The following RBFOX1 variants were observed in gnomAD, a reference collection of about 807,000 sequenced individuals.
RBFOX1 encodes RNA binding fox-1 homolog 1, also known as RNA binding protein fox-1 homolog 1.
In RBFOX1, 8 loss-of-function variants were observed where a neutral mutation model predicts 57.7. The observed-to-expected ratio is 0.14, with a 90% confidence interval of 0.08 to 0.25. The LOEUF (loss-of-function observed/expected upper bound fraction) is 0.25, where lower values mean the gene tolerates loss of function less well. RBFOX1 is among the 10% of genes least tolerant of loss of function. The pLI is 1.00. For synonymous variants in RBFOX1, 326 were observed against 222.4 expected, an observed-to-expected ratio of 1.47 and a Z score of -4.15; for missense variants, 611 against 548.5, an observed-to-expected ratio of 1.11 and a Z score of -1.14.
intron 2 of RBFOX1, among the ~76,000 whole-genome samples, chr16:6,424,195 C>T (rs536093878): frequency 5.9e-5 from 9 of 152,278 alleles, no homozygotes; most frequent in African/African-American, 1.9e-4. Flanking sequence ...GCTAAGATTG[C>T]ACCACTGCAC....
Position 5,913,836 on chromosome 16 carries a change from C to T in RBFOX1, c.351+46501C>T, listed in dbSNP as rs563891727. Among the ~76,000 whole-genome samples the T allele has an allele frequency of 9.8e-5, 15 of 152,334 alleles. No individual in the cohort carries two copies. In the South Asian group the frequency reaches 3.1e-3, roughly 32 times the overall value. ...GATAACAGCTAACATTGTCTTCGTACCTATCATGTACCAGACACCATGCTG... is the reference window on the plus strand; with the variant it reads ...GATAACAGCTAACATTGTCTTCGTATCTATCATGTACCAGACACCATGCTG... On this transcript the variant is annotated intron_variant, in intron 4 of 19. Transcript: ENST00000641259.
At position 6,905,753 on chromosome 16, in the gene RBFOX1, T is replaced by G. The variant is rs184381610; in HGVS notation, c.-15-146304T>G. 5.1e-4 allele frequency among the ~76,000 whole-genome samples: 77 copies of G among 152,276 alleles called. No individual in the cohort carries two copies. The East Asian group carries it at 0.014, about 28-fold the overall frequency. On this transcript the variant is annotated intron_variant, in intron 3 of 15. Transcript: ENST00000550418. ...ATGCCTGAGGCAAGTTTGCATGCCA[T>G]GGATGGAAATGGTATTTTCAAGAGA...
At chr16:6,056,291 C>T (rs1173936846) in intron 1 of RBFOX1, among the ~76,000 whole-genome samples, 4 of 151,924 alleles carry the variant, frequency 2.6e-5, no homozygotes, top group African/African-American at 7.3e-5. Context: ...TAGCTGTCAA[C>T]GATATTGTCT....
chr16:6,654,629 C>A lies in RBFOX1; in HGVS notation c.-37C>A. Reference sequence around the variant, plus strand: ...ATATCAAAGCAGACTGCAATACCTGCGTGGAAATAGAAGACAGAAAGGTGA... The same window carrying A: ...ATATCAAAGCAGACTGCAATACCTGAGTGGAAATAGAAGACAGAAAGGTGA... On this transcript the variant is annotated 5_prime_UTR_variant, in exon 3 of 16. Transcript: ENST00000550418. 6.6e-7 allele frequency: 1 copy of A among 1,508,608 alleles called. No homozygotes were observed. The highest frequency in any genetic ancestry group is 2.5e-5 in the East Asian group (1 of 39,534). The allele number at this position is 1,508,608 out of a possible 1,614,324, so 93.5% of individuals were successfully genotyped here. A position where few individuals can be genotyped will look rare whatever the true frequency, so the allele number is the denominator to read the frequency against.
At chr16:7,236,642 A>T (rs114814239) in intron 4 of RBFOX1, among the ~76,000 whole-genome samples, 2 of 152,154 alleles carry the variant, frequency 1.3e-5, no homozygotes, top group Non-Finnish European at 2.9e-5. Context: ...CATGAAGTCT[A>T]TGTGGCTTTT....
At chr16:6,487,806 G>T (rs1448206478) in intron 2 of RBFOX1, among the ~76,000 whole-genome samples, 2 of 139,666 alleles carry the variant, frequency 1.4e-5, no homozygotes, top group African/African-American at 5.4e-5. Context: ...TATTCCTAAA[G>T]TAATGTCTGG....
intron 1 of RBFOX1, among the ~76,000 whole-genome samples, chr16:6,128,516 G>C (rs1354619379): frequency 2.0e-5 from 3 of 152,186 alleles, no homozygotes; most frequent in Non-Finnish European, 4.4e-5. Context: ...CTGTCCAGGA[G>C]CCCTTTTCTG....
chr16:5,389,937 G>C (rs1273632835), intron 1 of RBFOX1, among the ~76,000 whole-genome samples: 4 of 152,038 alleles, frequency 2.6e-5, no homozygotes, highest in African/African-American at 9.7e-5. Flanking sequence ...ACCTTCAGGT[G>C]ATCCCCCTTC....
intron 1 of RBFOX1, among the ~76,000 whole-genome samples, chr16:6,255,084 C>A (rs1325208624): frequency 6.6e-6 from 1 of 152,064 alleles, no homozygotes; most frequent in Non-Finnish European, 1.5e-5. Flanking sequence ...TGTCCGCGGA[C>A]CTGTTTTTCA....
At chr16:6,294,449 A>G (rs2077840041) in intron 1 of RBFOX1, among the ~76,000 whole-genome samples, 1 of 152,250 alleles carries the variant, frequency 6.6e-6, no homozygotes, top group Non-Finnish European at 1.5e-5. Context: ...TATTTTATAT[A>G]GATGGGCCAC....
chr16:6,280,229 G>T (rs747249077), intron 1 of RBFOX1, among the ~76,000 whole-genome samples: 1 of 152,150 alleles, frequency 6.6e-6, no homozygotes, highest in Non-Finnish European at 1.5e-5. Flanking sequence ...TTGGTCCGTG[G>T]CCTGAGTGGG....
chr16:5,498,410 C>T (rs1406850945), intron 2 of RBFOX1, among the ~76,000 whole-genome samples: 3 of 152,198 alleles, frequency 2.0e-5, no homozygotes, highest in Non-Finnish European at 4.4e-5. Flanking sequence ...TCCCAAAGTG[C>T]TGGGATTACA....
chr16:6,845,590 G>A (rs1285043822), intron 3 of RBFOX1, among the ~76,000 whole-genome samples: 3 of 152,082 alleles, frequency 2.0e-5, no homozygotes, highest in African/African-American at 7.2e-5. Flanking sequence ...TAGCCTTGTA[G>A]GTAATCTTCT....
At chr16:6,400,819 C>G (rs2093039339) in intron 2 of RBFOX1, among the ~76,000 whole-genome samples, 1 of 152,128 alleles carries the variant, frequency 6.6e-6, no homozygotes. Context: ...CACGTGAACC[C>G]AGGAGGCAGA....
chr16:7,241,764 C>G (rs1389743652), intron 4 of RBFOX1, among the ~76,000 whole-genome samples: 1 of 151,730 alleles, frequency 6.6e-6, no homozygotes, highest in Non-Finnish European at 1.5e-5. Context: ...TTTTCTCATC[C>G]CCCCTTCTTT....
rs547277615 is a variant in RBFOX1, at chr16:6,848,087, C to G, written c.-16+193437C>G. ...CCTCAAGTGATCCACCCACCTTGGC[C>G]TCACAAAGTGCTGGGATTTGCAGGT... On this transcript the variant is annotated intron_variant, in intron 3 of 15. Transcript: ENST00000550418. Among the ~76,000 whole-genome samples, 47 of 152,210 alleles carry G rather than the reference C, an allele frequency of 3.1e-4. 1 individual carries two copies. In the South Asian group the frequency reaches 9.5e-3, roughly 31 times the overall value.
intron 4 of RBFOX1, among the ~76,000 whole-genome samples, chr16:7,097,102 C>A (rs1431651964): frequency 1.3e-5 from 2 of 151,956 alleles, no homozygotes; most frequent in African/African-American, 4.8e-5. Context: ...AGGACAAAAA[C>A]AAAAAATGTG....
At chr16:5,692,868 A>G (rs2050732437) in intron 3 of RBFOX1, among the ~76,000 whole-genome samples, 1 of 152,218 alleles carries the variant, frequency 6.6e-6, no homozygotes, top group Admixed American at 6.5e-5. Context: ...GGCAGGTTGA[A>G]CAAAGAGGTA....
intron 2 of RBFOX1, among the ~76,000 whole-genome samples, chr16:5,513,346 CTG>C (rs1275512845): frequency 6.6e-6 from 1 of 152,156 alleles, no homozygotes; most frequent in African/African-American, 2.4e-5. Context: ...GGGAGGAAGA[CTG>C]TGGAGATAAA....
Sources: allele counts gnomAD v4.1 joint callset (sites outside exome capture counted in the v4.1 genomes callset), GRCh38; gene constraint gnomAD v4.1.1; transcripts MANE v1.5; gene names NCBI Gene and HGNC (gene_info 2026-07-23, HGNC 2026-07-21).